The following RBFOX1 variants were observed in gnomAD, a reference collection of about 807,000 sequenced individuals.
RBFOX1 encodes the protein RNA binding protein fox-1 homolog 1.
In RBFOX1, 8 loss-of-function variants were observed where a neutral mutation model predicts 57.7. The observed-to-expected ratio is 0.14, with a 90% CI of 0.08 to 0.25. The LOEUF (loss-of-function observed/expected upper bound fraction) is 0.25. Ranked by LOEUF, RBFOX1 falls within the 10% of genes least tolerant of loss-of-function variation. RBFOX1 has a pLI of 1.00. For synonymous variants in RBFOX1, 326 were observed against 222.4 expected, an observed-to-expected ratio of 1.47 and a Z score of -4.15; for missense variants, 611 against 548.5, an observed-to-expected ratio of 1.11 and a Z score of -1.14.
intron 3 of RBFOX1, among the ~76,000 whole-genome samples, chr16:6,749,988 T>C (rs2074600768): frequency 6.6e-6 from 1 of 152,134 alleles, no homozygotes; most frequent in Admixed American, 6.6e-5. Context: ...TCTCAGAGTT[T>C]TATGAATTTT....
chr16:6,251,236 A>G (rs2097608377), intron 1 of RBFOX1, among the ~76,000 whole-genome samples: 1 of 152,162 alleles, frequency 6.6e-6, no homozygotes, highest in African/African-American at 2.4e-5. Context: ...AACTAACTTA[A>G]CTCACAAAAC....
At chr16:5,744,271 C>G (rs530002690) in intron 3 of RBFOX1, among the ~76,000 whole-genome samples, 8 of 152,256 alleles carry the variant, frequency 5.3e-5, no homozygotes, top group Admixed American at 2.0e-4. Flanking sequence ...ATGAATTGCT[C>G]TGTCTTCTGG....
At chr16:7,388,006 CAAACA>C (rs1246427880) in intron 4 of RBFOX1, among the ~76,000 whole-genome samples, 2 of 151,696 alleles carry the variant, frequency 1.3e-5, no homozygotes, top group Non-Finnish European at 2.9e-5. Flanking sequence ...AAGAGCAAAG[CAAACA>C]AAACAAAACA....
intron 1 of RBFOX1, among the ~76,000 whole-genome samples, chr16:6,183,981 G>A (rs1002176505): frequency 1.3e-5 from 2 of 152,188 alleles, no homozygotes; most frequent in African/African-American, 2.4e-5. Context: ...GAAAAAAGTG[G>A]TTTAATGGAC....
intron 2 of RBFOX1, among the ~76,000 whole-genome samples, chr16:6,567,548 A>G (rs34491983): frequency 0.33 from 50,632 of 151,794 alleles, 9,727 homozygotes; most frequent in Admixed American, 0.42. Context: ...ACTTATTACT[A>G]TTTCATTGTG....
chr16:6,896,103 T>C (rs545413901), intron 3 of RBFOX1, among the ~76,000 whole-genome samples: 4 of 152,080 alleles, frequency 2.6e-5, no homozygotes, highest in Non-Finnish European at 5.9e-5. Flanking sequence ...TGAAACCCCA[T>C]CTCTATTAAA....
chr16:5,288,190 C>A (rs1476135508), intron 1 of RBFOX1, among the ~76,000 whole-genome samples: 1 of 152,174 alleles, frequency 6.6e-6, no homozygotes. Context: ...GCCCAGGAAG[C>A]AAATCAGTTG....
chr16:7,420,911 A>G (rs2098535263), intron 4 of RBFOX1, among the ~76,000 whole-genome samples: 2 of 137,130 alleles, frequency 1.5e-5, no homozygotes, highest in Non-Finnish European at 3.1e-5. Context: ...ACATATATAT[A>G]CATATATATA....
At chr16:6,602,903 C>T (rs1234898495) in intron 2 of RBFOX1, among the ~76,000 whole-genome samples, 1 of 152,120 alleles carries the variant, frequency 6.6e-6, no homozygotes, top group Non-Finnish European at 1.5e-5. Flanking sequence ...GACTCTTTCC[C>T]AAATCCTGTC....
In RBFOX1 at chr16:7,445,601, A is replaced by G. The variant is rs760161321; in HGVS notation, c.28-72546A>G. Reference sequence around the variant, plus strand: ...TCCCCTGCCCAGAAAACTCATTGCCATGAAACCCTGCACAGAATCCAGAGA... The same window carrying G: ...TCCCCTGCCCAGAAAACTCATTGCCGTGAAACCCTGCACAGAATCCAGAGA... On this transcript the variant is annotated intron_variant, in intron 4 of 15. Coordinates refer to ENST00000550418, the MANE Select transcript of RBFOX1 (RefSeq NM_018723.4). 3.3e-5 allele frequency among the ~76,000 whole-genome samples: 5 copies of G among 152,322 alleles called. No individual in the cohort carries two copies. In the East Asian group the frequency reaches 5.8e-4, roughly 18 times the overall value.
intron 2 of RBFOX1, among the ~76,000 whole-genome samples, chr16:6,351,352 G>A (rs7350853): frequency 0.075 from 6,948 of 92,150 alleles, 677 homozygotes; most frequent in African/African-American, 0.27. Flanking sequence ...GTGTGTGTGT[G>A]TATATATATA....
At position 7,061,640 on chromosome 16, in the gene RBFOX1, G is replaced by A. The variant is rs2054314767; in HGVS notation, c.27+9542G>A. On this transcript the variant is annotated intron_variant, in intron 4 of 15. Coordinates refer to ENST00000550418, the MANE Select transcript of RBFOX1 (RefSeq NM_018723.4). ...TCTCCCTTTCCCTTGCTTTAATTTAGCCTATTATCCCCAGTCCTCATGCCC... is the reference window on the plus strand; with the variant it reads ...TCTCCCTTTCCCTTGCTTTAATTTAACCTATTATCCCCAGTCCTCATGCCC... 2.6e-5 allele frequency among the ~76,000 whole-genome samples: 4 copies of A among 152,224 alleles called. No individual in the cohort carries two copies. In the South Asian group the frequency reaches 6.2e-4, roughly 24 times the overall value.
At chr16:5,350,712 A>G (rs1019792208) in intron 1 of RBFOX1, among the ~76,000 whole-genome samples, 1 of 152,110 alleles carries the variant, frequency 6.6e-6, no homozygotes, top group African/African-American at 2.4e-5. Flanking sequence ...GTGAAAATAC[A>G]AAAAATAGCC....
intron 5 of RBFOX1, among the ~76,000 whole-genome samples, chr16:7,551,088 C>CAAAAAAAAA (rs539169022): frequency 6.5e-5 from 5 of 76,734 alleles, no homozygotes; most frequent in South Asian, 4.6e-4. Context: ...GAGCGAGACT[C>CAAAAAAAAA]AAAAAAAAAA....
chr16:7,215,636 C>G (rs553327276), intron 4 of RBFOX1, among the ~76,000 whole-genome samples: 13 of 152,190 alleles, frequency 8.5e-5, no homozygotes, highest in African/African-American at 2.9e-4. Context: ...TCAAAAGATC[C>G]TCGGGCAGAT....
chr16:6,656,961 TC>T (rs1568078533), intron 3 of RBFOX1, among the ~76,000 whole-genome samples: 2 of 50,706 alleles, frequency 3.9e-5, no homozygotes, highest in East Asian at 1.2e-3. Flanking sequence ...TCCTCCCCTT[TC>T]CTCTCCTCTC....
intron 3 of RBFOX1, among the ~76,000 whole-genome samples, chr16:6,931,187 A>G (rs942682765): frequency 6.6e-6 from 1 of 151,914 alleles, no homozygotes; most frequent in Non-Finnish European, 1.5e-5. Context: ...CGCTGTGTAG[A>G]TATGGCATAA....
chr16:6,604,905 G>T (rs2097905222), intron 2 of RBFOX1, among the ~76,000 whole-genome samples: 1 of 152,052 alleles, frequency 6.6e-6, no homozygotes, highest in Admixed American at 6.5e-5. Flanking sequence ...GGAACCTTAG[G>T]CAGGCAGGTT....
intron 3 of RBFOX1, among the ~76,000 whole-genome samples, chr16:6,857,345 G>A (rs967833504): frequency 1.3e-5 from 2 of 152,158 alleles, no homozygotes; most frequent in Non-Finnish European, 2.9e-5. Flanking sequence ...TGTATGGGTA[G>A]CATCTAAGTG....
Sources: allele counts gnomAD v4.1 joint callset (sites outside exome capture counted in the v4.1 genomes callset), GRCh38; gene constraint gnomAD v4.1.1; transcripts MANE v1.5; gene names NCBI Gene and HGNC (gene_info 2026-07-23, HGNC 2026-07-21).